ZNF503: variants seen among roughly 807,000 people sequenced by gnomAD.
ZNF503 encodes zinc finger protein 503.
ZNF503 carries 15 observed loss-of-function variants against 34.4 expected under a neutral mutation model. The observed-to-expected ratio is 0.44, with a 90% CI of 0.29 to 0.67. ZNF503 has a LOEUF of 0.67. ZNF503 is among the 30% of genes least tolerant of loss of function. ZNF503 has a pLI of 0.13. For missense variants in ZNF503, 1,007 were observed against 926.8 expected (o/e 1.09, Z -1.12); for synonymous variants, 580 against 456.8 (o/e 1.27, Z -3.44).
the ZNF503 span, among the ~76,000 whole-genome samples, chr10:75,321,147 C>T: frequency 6.6e-6 from 1 of 152,172 alleles, no homozygotes; most frequent in South Asian, 2.1e-4. Context: ...TCCTCCTGCT[C>T]TGGCAATGTA....
At chr10:75,348,031 C>T in the ZNF503 span, among the ~76,000 whole-genome samples, 9 of 151,690 alleles carry the variant, frequency 5.9e-5, no homozygotes, top group African/African-American at 1.9e-4. Flanking sequence ...TACAGGCACC[C>T]GCCACCACAC....
the ZNF503 span, among the ~76,000 whole-genome samples, chr10:75,302,376 T>C: frequency 1.3e-4 from 19 of 151,800 alleles, no homozygotes; most frequent in East Asian, 3.5e-3. Flanking sequence ...TTGGGGTTTA[T>C]TGAGCTTCTT....
the ZNF503 span, among the ~76,000 whole-genome samples, chr10:75,300,084 C>T: frequency 6.6e-6 from 1 of 152,214 alleles, no homozygotes; most frequent in Non-Finnish European, 1.5e-5. Flanking sequence ...TTCATCCCTA[C>T]AGTCTCAACC....
At chr10:75,300,426 C>T in the ZNF503 span, among the ~76,000 whole-genome samples, 2 of 152,038 alleles carry the variant, frequency 1.3e-5, no homozygotes, top group Admixed American at 6.5e-5. Flanking sequence ...CCTCAGTTTA[C>T]GAAAATGACG....
downstream of ZNF503, among the ~76,000 whole-genome samples, chr10:75,397,060 C>T (rs1843708736): frequency 6.6e-6 from 1 of 152,192 alleles, no homozygotes; most frequent in African/African-American, 2.4e-5. Context: ...CGCGGGGCCG[C>T]ACTTGGAGGG....
At chr10:75,289,991 A>G in the ZNF503 span, among the ~76,000 whole-genome samples, 8 of 152,178 alleles carry the variant, frequency 5.3e-5, no homozygotes, top group African/African-American at 1.2e-4. Context: ...CCACTAAACA[A>G]TAATTCCCCA....
chr10:75,313,131 A>T, the ZNF503 span, among the ~76,000 whole-genome samples: 1 of 152,192 alleles, frequency 6.6e-6, no homozygotes, highest in Non-Finnish European at 1.5e-5. Context: ...TATTCGCAGC[A>T]TGAGAACAGA....
At chr10:75,312,994 C>T in the ZNF503 span, among the ~76,000 whole-genome samples, 1 of 152,304 alleles carries the variant, frequency 6.6e-6, no homozygotes, top group African/African-American at 2.4e-5. Flanking sequence ...TTGCCTGACA[C>T]CATGTAAGAT....
chr10:75,286,799 G>A, the ZNF503 span, among the ~76,000 whole-genome samples: 2 of 152,244 alleles, frequency 1.3e-5, no homozygotes, highest in Admixed American at 6.5e-5. Flanking sequence ...GGCCAGGGCT[G>A]AGACAGAGGG....
rs997259389 is a variant in ZNF503, at chr10:75,398,190, A to C, written c.*559T>G. 6.6e-6 allele frequency: 1 copy of C among 152,632 alleles called. No individual in the cohort carries two copies. The highest frequency in any genetic ancestry group is 2.4e-5 in the African/African-American group (1 of 41,432). The allele number at this position is 152,632 out of a possible 1,614,324, so 9.5% of individuals were successfully genotyped here. On this transcript the variant is annotated 3_prime_UTR_variant, in exon 2 of 2. Transcript: ENST00000372524. ...AACATGCATGTAAATTTGTGTTTCAATCAGACATTAAATAACGTACAATAC... is the reference window on the plus strand; with the variant it reads ...AACATGCATGTAAATTTGTGTTTCACTCAGACATTAAATAACGTACAATAC...
the ZNF503 span, among the ~76,000 whole-genome samples, chr10:75,300,788 C>T: frequency 6.7e-6 from 1 of 148,370 alleles, no homozygotes; most frequent in Middle Eastern, 3.2e-3. Context: ...TCACTGCAAC[C>T]TCTGCCTTCC....
At chr10:75,311,981 G>C in the ZNF503 span, among the ~76,000 whole-genome samples, 1 of 151,818 alleles carries the variant, frequency 6.6e-6, no homozygotes, top group Admixed American at 6.6e-5. Flanking sequence ...CTGGCCTCAA[G>C]TGGTCCGCCT....
chr10:75,294,043 G>A, the ZNF503 span, among the ~76,000 whole-genome samples: 1 of 152,206 alleles, frequency 6.6e-6, no homozygotes, highest in East Asian at 1.9e-4. Context: ...ACGCAGTAGA[G>A]GCTCAATCCT....
the ZNF503 span, among the ~76,000 whole-genome samples, chr10:75,311,041 A>G: frequency 6.6e-6 from 1 of 152,230 alleles, no homozygotes; most frequent in Non-Finnish European, 1.5e-5. Context: ...AGATGTATAT[A>G]TAAAGGGGAG....
At chr10:75,380,963 G>A in the ZNF503 span, among the ~76,000 whole-genome samples, 1 of 152,140 alleles carries the variant, frequency 6.6e-6, no homozygotes, top group African/African-American at 2.4e-5. Context: ...ATTATTCAGT[G>A]CAGCTGAAAT....
the ZNF503 span, among the ~76,000 whole-genome samples, chr10:75,371,960 C>T: frequency 6.6e-6 from 1 of 152,180 alleles, no homozygotes; most frequent in Admixed American, 6.5e-5. Flanking sequence ...GACAGAATCT[C>T]ACTCTGTTGC....
chr10:75,393,616 T>C (rs1295029211), downstream of ZNF503, among the ~76,000 whole-genome samples: 1 of 152,210 alleles, frequency 6.6e-6, no homozygotes, highest in East Asian at 1.9e-4. Flanking sequence ...CCCAGCACTT[T>C]AAGAGGCTAA....
chr10:75,399,550 T>C lies in ZNF503; in HGVS notation c.1140A>G (p.Ala380=). ...GGCTGCCCGGCTTGGTGGGGTCAAG[T>C]GCCACGCCGTGTGGCAGGAACTGGG... The part of the protein sequence containing the change: ...YPPQFLPHGV[A]LDPTKPGSLV... Residue 380 remains alanine, a synonymous_variant, in exon 2 of 2, where the codon GCA becomes GCG. Transcript: ENST00000372524. 6.3e-7 allele frequency: 1 copy of C among 1,593,712 alleles called. No homozygotes were observed. The highest frequency in any genetic ancestry group is 1.1e-5 in the South Asian group (1 of 90,414).
At position 75,399,930 on chromosome 10, in the gene ZNF503, C is replaced by T. The variant is rs904876842; in HGVS notation, c.760G>A (p.Asp254Asn). 5.0e-6 allele frequency: 8 copies of T among 1,606,398 alleles called. No homozygotes were observed. Among genetic ancestry groups the T allele is most frequent in the East Asian group, 4.5e-5 (2 of 44,822 alleles). ...SAGGAPEGKD[D>N]KKDTDVGGGG... Reference sequence around the variant, plus strand: ...CCGCCCACGTCGGTGTCTTTCTTGTCGTCCTTGCCCTCCGGGGCACCCCCG... The same window carrying T: ...CCGCCCACGTCGGTGTCTTTCTTGTTGTCCTTGCCCTCCGGGGCACCCCCG... Residue 254 changes from aspartate (D) to asparagine (N), a missense_variant, in exon 2 of 2, where the codon GAC (aspartate) becomes AAC (asparagine). Coordinates refer to ENST00000372524, the MANE Select transcript of ZNF503 (RefSeq NM_032772.6).
Sources: allele counts gnomAD v4.1 joint callset (sites outside exome capture counted in the v4.1 genomes callset), GRCh38; gene constraint gnomAD v4.1.1; transcripts MANE v1.5; gene names NCBI Gene and HGNC (gene_info 2026-07-23, HGNC 2026-07-21).